OSMR: variants seen among roughly 807,000 people sequenced by gnomAD.
OSMR encodes the protein oncostatin-M-specific receptor subunit beta.
A neutral mutation model predicts 99.9 loss-of-function variants in OSMR; 81 were observed. The observed-to-expected ratio is 0.81, with a 90% CI of 0.68 to 0.97. The LOEUF is 0.97. Ranked by LOEUF, OSMR falls within the 50% of genes least tolerant of loss-of-function variation. The probability of loss-of-function intolerance (pLI) is 0.00; values close to 1 mark genes in which losing one functional copy is unlikely to be tolerated. For missense variants in OSMR, 1,099 were observed against 1,153.4 expected (o/e 0.95, Z 0.68); for synonymous variants, 406 against 410.4 (o/e 0.99, Z 0.13).
At chr5:38,888,405 G>A (rs565540724) in intron 7 of OSMR, among the ~76,000 whole-genome samples, 1 of 132,730 alleles carries the variant, frequency 7.5e-6, no homozygotes, top group Non-Finnish European at 1.6e-5. Context: ...TTTGCACACT[G>A]AAGTTTGGGT....
chr5:38,900,737 G>T (rs962356134), intron 7 of OSMR, among the ~76,000 whole-genome samples: 3 of 151,528 alleles, frequency 2.0e-5, no homozygotes, highest in Non-Finnish European at 4.4e-5. Flanking sequence ...TAATCCAGTT[G>T]CTGGACAGAT....
At chr5:38,939,035 TCTCA>T, downstream of OSMR, 1 of 233,150 alleles carries the variant, frequency 4.3e-6, no homozygotes, top group South Asian at 1.8e-4. Flanking sequence ...ACAAAGTTCA[TCTCA>T]CACAAAATTA....
chr5:38,880,670 C>A (rs776839043), intron 3 of OSMR, among the ~76,000 whole-genome samples: 1 of 152,172 alleles, frequency 6.6e-6, no homozygotes. Flanking sequence ...AAAGACATTG[C>A]CTGAGCAAAG....
At chr5:38,879,622 CTT>C (rs1173567281) in intron 3 of OSMR, among the ~76,000 whole-genome samples, 21 of 131,198 alleles carry the variant, frequency 1.6e-4, no homozygotes, top group Admixed American at 3.1e-4. Flanking sequence ...ATATTTGCTC[CTT>C]TTTTTTTTTT....
intron 9 of OSMR, among the ~76,000 whole-genome samples, chr5:38,909,598 C>T (rs1240784137): frequency 2.6e-5 from 4 of 152,132 alleles, no homozygotes; most frequent in African/African-American, 7.2e-5. Context: ...AAAAGAAATT[C>T]CAACCAAGAA....
chr5:38,907,974 C>T (rs1483688918), intron 9 of OSMR, among the ~76,000 whole-genome samples: 13 of 152,222 alleles, frequency 8.5e-5, no homozygotes, highest in African/African-American at 2.9e-4. Flanking sequence ...AGTGCATGGA[C>T]ACCAGCAGCC....
At chr5:38,900,960 T>C (rs1046746132) in intron 7 of OSMR, among the ~76,000 whole-genome samples, 2 of 152,222 alleles carry the variant, frequency 1.3e-5, no homozygotes, top group African/African-American at 4.8e-5. Context: ...GCAAGCTCTT[T>C]CCATAATTCT....
Position 38,847,631 on chromosome 5 carries a change from C to T in OSMR, c.-14+1244C>T, listed in dbSNP as rs531582475. On this transcript the variant is annotated intron_variant, in intron 1 of 17. Coordinates refer to ENST00000274276, the MANE Select transcript of OSMR (RefSeq NM_003999.3). ...TTTCTTGAGCTTTCAAAGCATCAAA[C>T]TCCAAACACAGCCTTCTATTCAGAA... Among the ~76,000 whole-genome samples the T allele has an allele frequency of 2.0e-5, 3 of 152,276 alleles. No individual in the cohort carries two copies. The East Asian group carries it at 5.8e-4, about 29-fold the overall frequency.
intron 11 of OSMR, chr5:38,919,344 A>G (rs1746115765): frequency 7.9e-6 from 11 of 1,383,902 alleles, no homozygotes; most frequent in Non-Finnish European, 1.0e-5. Flanking sequence ...AGTAACTGCA[A>G]CCCTAACAAA....
Position 38,883,961 on chromosome 5 carries a change from C to CA in OSMR, c.554dup (p.Ile186AspfsTer7). ...TGTATCCTGTTATTTGGAAGGGAAA[C>CA]AGATTCATGGAGAACAACTTGATCC... is the stretch of plus-strand genomic sequence containing the variant. On this transcript the variant is annotated frameshift_variant, in exon 5 of 18. Transcript: ENST00000274276. LOFTEE classifies it high-confidence loss of function. 1 of 1,613,854 alleles carries CA rather than the reference C, an allele frequency of 6.2e-7. No homozygotes were observed. Among genetic ancestry groups the CA allele is most frequent in the Non-Finnish European group, 8.5e-7 (1 of 1,179,770 alleles).
Position 38,931,961 on chromosome 5 carries a change from A to AGT in OSMR, c.2293_2294dup (p.Trp765CysfsTer22). The AGT allele has an allele frequency of 6.2e-7, 1 of 1,611,528 alleles. No homozygotes were observed. The highest frequency in any genetic ancestry group is 8.5e-7 in the Non-Finnish European group (1 of 1,177,756). Reference sequence around the variant, plus strand: ...ATGGTCATGTGCTACTTGAAAAGTCAGTGGTAAGTGTGTGAGGAAGGTTTT... The same window carrying AGT: ...ATGGTCATGTGCTACTTGAAAAGTCAGTGTGGTAAGTGTGTGAGGAAGGTTTT... On this transcript the variant is annotated frameshift_variant, in exon 16 of 18. Coordinates refer to ENST00000274276, the MANE Select transcript of OSMR (RefSeq NM_003999.3). LOFTEE classifies it high-confidence loss of function.
chr5:38,853,691 G>A (rs1350075853), intron 1 of OSMR, among the ~76,000 whole-genome samples: 1 of 152,036 alleles, frequency 6.6e-6, no homozygotes, highest in Non-Finnish European at 1.5e-5. Flanking sequence ...TTACCTTTTA[G>A]AGACTCAGCT....
At chr5:38,943,217 T>C in intron 1 of OSMR, 1 of 370,302 alleles carries the variant, frequency 2.7e-6, no homozygotes, top group Non-Finnish European at 4.9e-6. Context: ...ATTGAAGCAT[T>C]CTTTTTTATT....
chr5:38,872,372 G>A (rs1367485972), intron 2 of OSMR, among the ~76,000 whole-genome samples: 1 of 152,164 alleles, frequency 6.6e-6, no homozygotes, highest in African/African-American at 2.4e-5. Flanking sequence ...GCAACCAATC[G>A]CTGAATACCA....
intron 1 of OSMR, 90 bp from the exon 2 acceptor site, chr5:38,868,942 T>C (rs1206761223): frequency 2.0e-5 from 30 of 1,497,622 alleles, no homozygotes; most frequent in Non-Finnish European, 2.6e-5. Context: ...TGGGAGCCTT[T>C]ATTGCCTCAT....
chr5:38,876,503 A>G (rs148111142), intron 3 of OSMR, 130 bp downstream of exon 3: 563 of 743,624 alleles, frequency 7.6e-4, no homozygotes, highest in Non-Finnish European at 1.1e-3. Flanking sequence ...TTGTCTAAAC[A>G]ATTACATTTC....
intron 2 of OSMR, chr5:38,944,930 C>A: frequency 6.2e-7 from 1 of 1,613,958 alleles, no homozygotes; most frequent in South Asian, 1.1e-5. Context: ...CAATTCTGTG[C>A]TTTTGGTGCT....
At chr5:38,855,747 G>C (rs1266336264) in intron 1 of OSMR, among the ~76,000 whole-genome samples, 3 of 133,156 alleles carry the variant, frequency 2.3e-5, no homozygotes, top group Non-Finnish European at 4.6e-5. Context: ...TCACTTCACT[G>C]TTGTCCCTCA....
At chr5:38,863,407 T>C (rs577561517) in intron 1 of OSMR, among the ~76,000 whole-genome samples, 1 of 151,100 alleles carries the variant, frequency 6.6e-6, no homozygotes, top group South Asian at 2.1e-4. Context: ...CATGGTGGCA[T>C]GTGCCTGTAG....
Sources: gnomAD v4.1 joint callset for allele counts (sites outside exome capture counted in the v4.1 genomes callset) on GRCh38, gnomAD v4.1.1 for gene constraint, MANE v1.5 for transcripts, NCBI Gene and HGNC (gene_info 2026-07-23, HGNC 2026-07-21) for gene names.